WWC2: variants seen among roughly 807,000 people sequenced by gnomAD.
The protein encoded by WWC2 is protein WWC2.
In WWC2, 101 loss-of-function variants were observed where a neutral mutation model predicts 138.5. The ratio of observed to expected loss-of-function variants is 0.73; its 90% CI spans 0.62 to 0.86. The LOEUF is 0.86. Ranked by LOEUF, WWC2 falls within the 40% of genes least tolerant of loss-of-function variation. The pLI, the probability that WWC2 is intolerant of heterozygous loss-of-function variation, is 0.00. For synonymous variants in WWC2, 558 were observed against 538.4 expected (o/e 1.04, Z -0.50); for missense variants, 1,420 against 1,419.4 (o/e 1.00, Z -0.01).
At chr4:183,167,122 T>C (rs4566699) in intron 1 of WWC2, among the ~76,000 whole-genome samples, 151,662 of 152,342 alleles carry the variant, frequency 1, 75,496 homozygotes, top group Non-Finnish European at 1. Context: ...GAACACAGAA[T>C]TTTCATATGG....
intron 1 of WWC2, among the ~76,000 whole-genome samples, chr4:183,151,842 A>T (rs1312500670): frequency 1.3e-5 from 2 of 152,218 alleles, no homozygotes; most frequent in Non-Finnish European, 2.9e-5. Flanking sequence ...CAAAGATCAG[A>T]TGGTTGTAGA....
chr4:183,259,445 T>C (rs1228929954), intron 9 of WWC2, among the ~76,000 whole-genome samples, 194 bp from the exon 10 acceptor site: 1 of 152,106 alleles, frequency 6.6e-6, no homozygotes, highest in Non-Finnish European at 1.5e-5. Context: ...GGCATAACGC[T>C]CCCTCCCCAT....
chr4:183,120,033 A>G (rs1424185181), intron 1 of WWC2, among the ~76,000 whole-genome samples: 2 of 152,234 alleles, frequency 1.3e-5, no homozygotes, highest in Non-Finnish European at 2.9e-5. Context: ...AGCTGGTTTC[A>G]TCAAGACATC....
intron 5 of WWC2, 89 bp from the exon 6 acceptor site, chr4:183,245,327 T>G: frequency 1.7e-6 from 2 of 1,207,106 alleles, no homozygotes; most frequent in Non-Finnish European, 2.1e-6. Flanking sequence ...ATCATCCAAC[T>G]GAGACAATTC....
chr4:183,164,710 T>C (rs566961004), intron 1 of WWC2, among the ~76,000 whole-genome samples: 144 of 152,140 alleles, frequency 9.5e-4, no homozygotes, highest in African/African-American at 3.3e-3. Flanking sequence ...AGGAGGATGC[T>C]CCTTGGAGCC....
At chr4:183,310,832 T>TAAAAAA (rs34169882) in intron 21 of WWC2, among the ~76,000 whole-genome samples, 1 of 113,438 alleles carries the variant, frequency 8.8e-6, no homozygotes, top group African/African-American at 3.5e-5. Flanking sequence ...TGGCATATTG[T>TAAAAAA]AAAAAAAAAA....
At chr4:183,208,405 A>G (rs577176002) in intron 3 of WWC2, among the ~76,000 whole-genome samples, 1 of 152,254 alleles carries the variant, frequency 6.6e-6, no homozygotes, top group East Asian at 1.9e-4. Context: ...GTTGCCTTTT[A>G]TGCATTTACG....
intron 1 of WWC2, among the ~76,000 whole-genome samples, chr4:183,164,355 TAC>T (rs1491213488): frequency 0.074 from 16 of 216 alleles, 3 homozygotes; most frequent in South Asian, 0.67. Flanking sequence ...ATATTATATA[TAC>T]ATATATATAT....
intron 1 of WWC2, among the ~76,000 whole-genome samples, chr4:183,141,317 G>T (rs2111095747): frequency 6.6e-6 from 1 of 152,218 alleles, no homozygotes; most frequent in African/African-American, 2.4e-5. Context: ...GTGTGTGCTT[G>T]GGAAGGGGAG....
At chr4:183,123,694 A>G (rs971853508) in intron 1 of WWC2, among the ~76,000 whole-genome samples, 6 of 152,032 alleles carry the variant, frequency 3.9e-5, no homozygotes, top group African/African-American at 7.2e-5. Context: ...TGGCCTTCAT[A>G]TTTTTTGACA....
intron 1 of WWC2, among the ~76,000 whole-genome samples, 192 bp from the exon 2 acceptor site, chr4:183,193,407 G>A (rs967675102): frequency 2.0e-5 from 3 of 152,040 alleles, no homozygotes; most frequent in Non-Finnish European, 4.4e-5. Flanking sequence ...CAAATATTAA[G>A]CAGTGAACTT....
At chr4:183,260,738 CA>C (rs1408043862) in intron 10 of WWC2, among the ~76,000 whole-genome samples, 171 bp from the exon 11 acceptor site, 1 of 152,162 alleles carries the variant, frequency 6.6e-6, no homozygotes, top group African/African-American at 2.4e-5. Flanking sequence ...AGAACTAGAC[CA>C]GGTCGTTAAC....
At chr4:183,173,655 A>G (rs1425467832) in intron 1 of WWC2, among the ~76,000 whole-genome samples, 1 of 151,678 alleles carries the variant, frequency 6.6e-6, no homozygotes, top group African/African-American at 2.4e-5. Flanking sequence ...TACCTGGATG[A>G]TCGATGCTTG....
intron 21 of WWC2, among the ~76,000 whole-genome samples, chr4:183,303,297 T>C (rs1051130820): frequency 6.6e-6 from 1 of 152,190 alleles, no homozygotes; most frequent in African/African-American, 2.4e-5. Context: ...GGTTCAAAAA[T>C]TGTATTGAGC....
At chr4:183,302,090 A>G (rs998291941) in intron 21 of WWC2, among the ~76,000 whole-genome samples, 1 of 152,160 alleles carries the variant, frequency 6.6e-6, no homozygotes, top group Non-Finnish European at 1.5e-5. Flanking sequence ...CAATTTCCCA[A>G]ATTTTCTATT....
At chr4:183,299,875 A>C (rs539352614) in intron 21 of WWC2, among the ~76,000 whole-genome samples, 21 of 152,270 alleles carry the variant, frequency 1.4e-4, no homozygotes, top group African/African-American at 4.8e-4. Context: ...CCAGAAAAGC[A>C]ATGAATCGAA....
chr4:183,148,103 C>G (rs916459817), intron 1 of WWC2, among the ~76,000 whole-genome samples: 2 of 152,166 alleles, frequency 1.3e-5, no homozygotes, highest in Non-Finnish European at 2.9e-5. Context: ...ACAAAAGATA[C>G]ATGTAGCGTG....
intron 9 of WWC2, among the ~76,000 whole-genome samples, 188 bp downstream of exon 9, chr4:183,254,187 T>C (rs1385519855): frequency 6.6e-6 from 1 of 152,162 alleles, no homozygotes; most frequent in Non-Finnish European, 1.5e-5. Flanking sequence ...GTTCTGTGTT[T>C]TAGGAACGTG....
At chr4:183,159,928 CCTAAA>C (rs1313273635) in intron 1 of WWC2, among the ~76,000 whole-genome samples, 14 of 152,068 alleles carry the variant, frequency 9.2e-5, no homozygotes, top group Non-Finnish European at 1.5e-4. Flanking sequence ...CTCAAATTGA[CCTAAA>C]CTAATTTTTG....
Sources: gnomAD v4.1 joint callset for allele counts (sites outside exome capture counted in the v4.1 genomes callset) on GRCh38, gnomAD v4.1.1 for gene constraint, MANE v1.5 for transcripts, NCBI Gene and HGNC (gene_info 2026-07-23, HGNC 2026-07-21) for gene names.